The following NADK2 variants were observed in gnomAD, a reference collection of about 807,000 sequenced individuals.
The protein encoded by NADK2 is NAD kinase domain-containing protein 1, mitochondrial.
NADK2 carries 35 observed loss-of-function variants against 62.1 expected under a neutral mutation model. That is an observed-to-expected ratio of 0.56 (90% CI 0.43 to 0.75). NADK2 has a LOEUF of 0.75. Ranked by LOEUF, NADK2 falls within the 30% of genes least tolerant of loss-of-function variation. The pLI is 0.00. For missense variants in NADK2, 439 were observed against 561.3 expected (o/e 0.78, Z 2.20); for synonymous variants, 205 against 207.9 (o/e 0.99, Z 0.12).
chr5:36,198,272 G>A (rs1746308175), intron 10 of NADK2, among the ~76,000 whole-genome samples: 1 of 151,764 alleles, frequency 6.6e-6, no homozygotes, highest in Non-Finnish European at 1.5e-5. Context: ...AAGTTTAGTT[G>A]AGTACTACAT....
At position 36,241,739 on chromosome 5, in the gene NADK2, CG is replaced by C; in HGVS notation, c.59del (p.Ala20GlyfsTer78). On this transcript the variant is annotated frameshift_variant, in exon 1 of 12. Coordinates refer to ENST00000381937, the MANE Select transcript of NADK2 (RefSeq NM_001085411.3). LOFTEE classifies it high-confidence loss of function. This position sits in a 1 kb window ranked among gnomAD's most constrained non-coding sequence, Gnocchi z 4.9. Reference sequence around the variant, plus strand: ...CCGCACCCGGTCCCCGCAGCGCCGCCGCCCGGCCGCCCGCCACGCGACAACA... The same window carrying C: ...CCGCACCCGGTCCCCGCAGCGCCGCCCCCGGCCGCCCGCCACGCGACAACA... ...GSCCRVAGGRAAALRGPGAGG... is the reference protein window; with the variant it reads ...GSCCRVAGGRXAALRGPGAGG... 6 of 1,286,720 alleles carry C rather than the reference CG, an allele frequency of 4.7e-6. No individual in the cohort carries two copies. Among genetic ancestry groups the C allele is most frequent in the Admixed American group, 3.3e-5 (1 of 30,224 alleles). 79.7% of individuals were successfully genotyped at this position (1,286,720 alleles called of 1,614,324 possible).
chr5:36,210,343 T>A (rs1171747250), intron 7 of NADK2, among the ~76,000 whole-genome samples: 1 of 152,190 alleles, frequency 6.6e-6, no homozygotes, highest in African/African-American at 2.4e-5. Flanking sequence ...TAAGTTATAT[T>A]CAAGTCCCAC....
chr5:36,219,426 G>T (rs1001460766), intron 5 of NADK2, among the ~76,000 whole-genome samples, 170 bp downstream of exon 5: 4 of 152,112 alleles, frequency 2.6e-5, no homozygotes, highest in Admixed American at 2.6e-4. Context: ...GCCCAGGCTG[G>T]TCTCAAACTC....
In NADK2 at chr5:36,194,043, T is replaced by G. The variant is rs544430008; in HGVS notation, c.*1101A>C. ...TTTGATTATGCAACGACAGGATCTTTTGGCAAAAATTCTAGGATTACTTAT... is the reference window on the plus strand; with the variant it reads ...TTTGATTATGCAACGACAGGATCTTGTGGCAAAAATTCTAGGATTACTTAT... On this transcript the variant is annotated 3_prime_UTR_variant, in exon 12 of 12. Transcript: ENST00000381937. 6.6e-6 allele frequency: 1 copy of G among 152,420 alleles called. No individual in the cohort carries two copies. The highest frequency in any genetic ancestry group is 2.4e-5 in the African/African-American group (1 of 41,440). The allele number at this position is 152,420 out of a possible 1,614,324, so 9.4% of individuals were successfully genotyped here.
At position 36,241,819 on chromosome 5, in the gene NADK2, C is replaced by CA. The variant is rs1554012128; in HGVS notation, c.-22_-21insT. On this transcript the variant is annotated 5_prime_UTR_variant, in exon 1 of 12. Transcript: ENST00000381937. This position sits in a 1 kb window ranked among gnomAD's most constrained non-coding sequence, Gnocchi z 4.9. Reference sequence around the variant, plus strand: ...GTCATCGTGGGCCGGGCCGCGGCCGCGGGCTTGGGCTCGGGCCCCTTGCCT... The same window carrying CA: ...GTCATCGTGGGCCGGGCCGCGGCCGCAGGGCTTGGGCTCGGGCCCCTTGCCT... The CA allele has an allele frequency of 3.1e-6, 4 of 1,299,336 alleles. No homozygotes were observed. The highest frequency in any genetic ancestry group is 1.6e-5 in the African/African-American group (1 of 63,790). The allele number at this position is 1,299,336 out of a possible 1,614,324, so 80.5% of individuals were successfully genotyped here.
In NADK2 at chr5:36,241,896, C is replaced by T. The variant is rs964500575; in HGVS notation, c.-98G>A. ...CCGTCCGCGCCGCCCGGGCCTCTAACTTCGCGCCGGACGGGCAGAGGTTAA... is the reference window on the plus strand; with the variant it reads ...CCGTCCGCGCCGCCCGGGCCTCTAATTTCGCGCCGGACGGGCAGAGGTTAA... On this transcript the variant is annotated 5_prime_UTR_variant, in exon 1 of 12. Transcript: ENST00000381937. This position sits in a 1 kb window ranked among gnomAD's most constrained non-coding sequence, Gnocchi z 4.9. 1.0e-6 allele frequency: 1 copy of T among 985,936 alleles called. No homozygotes were observed. The highest frequency in any genetic ancestry group is 1.2e-6 in the Non-Finnish European group (1 of 811,250). The allele number at this position is 985,936 out of a possible 1,614,324, so 61.1% of individuals were successfully genotyped here. A position where few individuals can be genotyped will look rare whatever the true frequency, so the allele number is the denominator to read the frequency against.
At chr5:36,237,731 G>T (rs1747960648) in intron 1 of NADK2, among the ~76,000 whole-genome samples, 1 of 152,204 alleles carries the variant, frequency 6.6e-6, no homozygotes, top group Non-Finnish European at 1.5e-5. Context: ...CCATTCTAAA[G>T]ATCATGAACT....
chr5:36,221,075 G>C (rs1307050637), intron 4 of NADK2: 1 of 152,210 alleles, frequency 6.6e-6, no homozygotes, highest in African/African-American at 2.4e-5. Context: ...TGGGGGGCAG[G>C]GAGGAGTACA....
intron 1 of NADK2, among the ~76,000 whole-genome samples, chr5:36,230,036 G>C (rs35647151): frequency 0.3 from 45,060 of 151,412 alleles, 8,006 homozygotes; most frequent in South Asian, 0.45. Context: ...CACTGCACAA[G>C]CCTCTGACAG....
chr5:36,238,731 A>T (rs1342444440), intron 1 of NADK2, among the ~76,000 whole-genome samples: 1 of 152,196 alleles, frequency 6.6e-6, no homozygotes, highest in Non-Finnish European at 1.5e-5. Context: ...GAGACAGTAG[A>T]GGTAAAATGT....
Position 36,234,230 on chromosome 5 carries a change from G to A in NADK2, c.301-6665C>T, listed in dbSNP as rs539173052. On this transcript the variant is annotated intron_variant, in intron 1 of 11. Transcript: ENST00000381937. ...TCTACTAAAAATACAAAAATTAGCC[G>A]GGCATGGTGGCGCGCGCCTGTAGTC... 1.3e-4 allele frequency among the ~76,000 whole-genome samples: 19 copies of A among 151,000 alleles called. 1 individual carries two copies. The highest frequency in any genetic ancestry group is 4.6e-4 in the Admixed American group (7 of 15,136).
chr5:36,209,875 T>C (rs1444118716), intron 7 of NADK2, among the ~76,000 whole-genome samples: 7 of 152,180 alleles, frequency 4.6e-5, no homozygotes, highest in African/African-American at 1.7e-4. Context: ...TTTTGTTAAA[T>C]ATTACATAAA....
chr5:36,229,403 T>A (rs1264530519), intron 1 of NADK2, among the ~76,000 whole-genome samples: 2 of 152,178 alleles, frequency 1.3e-5, no homozygotes, highest in Non-Finnish European at 2.9e-5. Context: ...CTGACTATGA[T>A]AATAACTAGA....
At position 36,193,105 on chromosome 5, in the gene NADK2, A is replaced by G. The variant is rs1746077567; in HGVS notation, c.*2039T>C. The stretch of plus-strand genomic sequence containing the variant: ...ATTTTACACAGCAAGTTACCTATTA[A>G]TATGTTACATATTAACAGATCTATT... On this transcript the variant is annotated 3_prime_UTR_variant, in exon 12 of 12. Coordinates refer to ENST00000381937, the MANE Select transcript of NADK2 (RefSeq NM_001085411.3). 6.6e-6 allele frequency: 1 copy of G among 151,894 alleles called. No homozygotes were observed. Among genetic ancestry groups the G allele is most frequent in the African/African-American group, 2.4e-5 (1 of 41,450 alleles). The allele number at this position is 151,894 out of a possible 1,614,324, so 9.4% of individuals were successfully genotyped here. A position where few individuals can be genotyped will look rare whatever the true frequency, so the allele number is the denominator to read the frequency against.
At chr5:36,206,230 CATGTATACCTAT>C (rs1414562639) in intron 8 of NADK2, among the ~76,000 whole-genome samples, 2 of 150,892 alleles carry the variant, frequency 1.3e-5, no homozygotes, top group East Asian at 3.9e-4. Flanking sequence ...CAACATGGCA[CATGTATACCTAT>C]GTAACAAACC....
Position 36,211,864 on chromosome 5 carries a change from A to C in NADK2, c.840T>G (p.Ile280Met). Reference sequence around the variant, plus strand: ...AGTACCTGGATGACAGACTCTCCCCAATGAAGACTTCATTTAGTGCTCTCA... The same window carrying C: ...AGTACCTGGATGACAGACTCTCCCCCATGAAGACTTCATTTAGTGCTCTCA... ...LPVRALNEVF[I>M]GESLSSRASY... Residue 280 changes from isoleucine (I) to methionine (M), a missense_variant, in exon 7 of 12, where the codon ATT becomes ATG. Ile to Met is a conservative substitution (Grantham distance 10). Coordinates refer to ENST00000381937, the MANE Select transcript of NADK2 (RefSeq NM_001085411.3). 1 of 1,613,516 alleles carries C rather than the reference A, an allele frequency of 6.2e-7. No individual in the cohort carries two copies. The highest frequency in any genetic ancestry group is 8.5e-7 in the Non-Finnish European group (1 of 1,179,664).
intron 6 of NADK2, among the ~76,000 whole-genome samples, chr5:36,214,147 G>C (rs1411714802): frequency 6.6e-6 from 1 of 151,868 alleles, no homozygotes; most frequent in Non-Finnish European, 1.5e-5. Flanking sequence ...TTTAAAACTT[G>C]CCACAATGGG....
intron 8 of NADK2, among the ~76,000 whole-genome samples, chr5:36,201,880 G>C (rs1308726722): frequency 6.6e-6 from 1 of 151,950 alleles, no homozygotes; most frequent in Admixed American, 6.6e-5. Flanking sequence ...TACAAACATG[G>C]ATAACTTTTC....
rs1006799495 is a variant in NADK2 at position 36,193,652 on chromosome 5, T to C, written c.*1492A>G. The C allele has an allele frequency of 5.9e-5, 9 of 152,182 alleles. No homozygotes were observed. The highest frequency in any genetic ancestry group is 1.2e-4 in the Non-Finnish European group (8 of 67,998). The allele number at this position is 152,182 out of a possible 1,614,324, so 9.4% of individuals were successfully genotyped here. ...CTGATATGTCATAAATTCTTTGCTATGAATGTCTACGCAGATACTTTAAGA... is the reference window on the plus strand; with the variant it reads ...CTGATATGTCATAAATTCTTTGCTACGAATGTCTACGCAGATACTTTAAGA... On this transcript the variant is annotated 3_prime_UTR_variant, in exon 12 of 12. Coordinates refer to ENST00000381937, the MANE Select transcript of NADK2 (RefSeq NM_001085411.3).
Sources: gnomAD v4.1 joint callset for allele counts (sites outside exome capture counted in the v4.1 genomes callset) on GRCh38, gnomAD v4.1.1 for gene constraint, Gnocchi (gnomAD v3.1) non-coding constraint, MANE v1.5 for transcripts, NCBI Gene and HGNC (gene_info 2026-07-23, HGNC 2026-07-21) for gene names.